Variants in ZNF385B observed in about 807,000 individuals in gnomAD.
ZNF385B encodes the protein zinc finger protein 533.
A neutral mutation model predicts 39.2 loss-of-function variants in ZNF385B; 23 were observed. The observed-to-expected ratio is 0.59, with a 90% CI of 0.42 to 0.83. The LOEUF (loss-of-function observed/expected upper bound fraction) is 0.83, where lower values mean the gene tolerates loss of function less well. Among genes scored for constraint, ZNF385B ranks in the 40% least tolerant of loss-of-function variants. The probability of loss-of-function intolerance (pLI) is 0.00; values close to 1 mark genes in which losing one functional copy is unlikely to be tolerated. For synonymous variants in ZNF385B, 205 were observed against 222.6 expected, an observed-to-expected ratio of 0.92 and a Z score of 0.70; for missense variants, 552 against 598.9, an observed-to-expected ratio of 0.92 and a Z score of 0.82.
chr2:179,670,288 T>C (rs1695775847), intron 3 of ZNF385B, among the ~76,000 whole-genome samples: 1 of 88,642 alleles, frequency 1.1e-5, no homozygotes, highest in Non-Finnish European at 2.1e-5. Context: ...CGAGACTCCG[T>C]CTCAAAAAAA....
intron 3 of ZNF385B, among the ~76,000 whole-genome samples, chr2:179,552,365 T>C (rs1239858998): frequency 6.7e-6 from 1 of 149,314 alleles, no homozygotes; most frequent in Non-Finnish European, 1.5e-5. Context: ...ATCAAATCTG[T>C]ATATATTCTA....
chr2:179,671,482 A>G (rs1300636013), intron 3 of ZNF385B, among the ~76,000 whole-genome samples: 1 of 152,228 alleles, frequency 6.6e-6, no homozygotes, highest in Non-Finnish European at 1.5e-5. Flanking sequence ...GGTGTGGCCA[A>G]ATGATGATGA....
At position 179,526,255 on chromosome 2, in the gene ZNF385B, C is replaced by T. The variant is rs184906048; in HGVS notation, c.442-7617G>A. On this transcript the variant is annotated intron_variant, in intron 4 of 9. Coordinates refer to ENST00000410066, the MANE Select transcript of ZNF385B (RefSeq NM_152520.6). Reference sequence around the variant, plus strand: ...TGTTGCCCAGGCTGGAACTATAGAACTTTGTACTATTTTGGATTTCAATTC... The same window carrying T: ...TGTTGCCCAGGCTGGAACTATAGAATTTTGTACTATTTTGGATTTCAATTC... 5.1e-3 allele frequency among the ~76,000 whole-genome samples: 768 copies of T among 151,330 alleles called. 3 individuals carry two copies. The highest frequency in any genetic ancestry group is 0.024 in the Middle Eastern group (7 of 290).
At chr2:179,644,297 C>A (rs1692521819) in intron 3 of ZNF385B, among the ~76,000 whole-genome samples, 1 of 152,014 alleles carries the variant, frequency 6.6e-6, no homozygotes, top group African/African-American at 2.4e-5. Context: ...CTATCTTCAG[C>A]CCCTTGCCAA....
intron 6 of ZNF385B, among the ~76,000 whole-genome samples, chr2:179,447,256 G>T (rs2049591583): frequency 6.6e-6 from 1 of 152,162 alleles, no homozygotes; most frequent in Admixed American, 6.5e-5. Flanking sequence ...TGGGATAGAA[G>T]AAACATGGTT....
intron 6 of ZNF385B, among the ~76,000 whole-genome samples, chr2:179,466,906 C>A (rs867011984): frequency 7.9e-4 from 45 of 57,150 alleles, no homozygotes; most frequent in African/African-American, 3.0e-3. Flanking sequence ...GGCAACAGAG[C>A]AAGACTGTCA....
intron 3 of ZNF385B, among the ~76,000 whole-genome samples, chr2:179,668,355 T>C (rs145767497): frequency 6.6e-6 from 1 of 152,350 alleles, no homozygotes; most frequent in East Asian, 1.9e-4. Flanking sequence ...CAATATACAG[T>C]AGTCTGTCCT....
chr2:179,631,014 G>T (rs1313455900), intron 3 of ZNF385B, among the ~76,000 whole-genome samples: 3 of 152,146 alleles, frequency 2.0e-5, no homozygotes, highest in African/African-American at 7.2e-5. Context: ...GAAACAGGGG[G>T]CTATGTGAAA....
chr2:179,635,026 C>T (rs1233074705), intron 3 of ZNF385B, among the ~76,000 whole-genome samples: 1 of 150,226 alleles, frequency 6.7e-6, no homozygotes, highest in African/African-American at 2.5e-5. Flanking sequence ...CCTGTATTCC[C>T]AGCTACTTGG....
chr2:179,761,584 A>AT (rs375660435), intron 3 of ZNF385B, among the ~76,000 whole-genome samples: 7,987 of 145,746 alleles, frequency 0.055, 282 homozygotes, highest in Middle Eastern at 0.099. Context: ...TATGCAATTG[A>AT]TTTTTTTTTT....
At chr2:179,619,212 T>C (rs1382133367) in intron 3 of ZNF385B, among the ~76,000 whole-genome samples, 3 of 152,142 alleles carry the variant, frequency 2.0e-5, no homozygotes, top group Non-Finnish European at 4.4e-5. Flanking sequence ...CATGAAAACA[T>C]TGCATTGCTG....
intron 3 of ZNF385B, among the ~76,000 whole-genome samples, chr2:179,591,916 C>A (rs968468506): frequency 2.0e-5 from 3 of 152,112 alleles, no homozygotes; most frequent in Admixed American, 2.0e-4. Flanking sequence ...CAGGTAGCAG[C>A]TCATTTTCTT....
intron 6 of ZNF385B, among the ~76,000 whole-genome samples, chr2:179,448,702 C>T (rs1016581769): frequency 6.6e-6 from 1 of 152,050 alleles, no homozygotes; most frequent in African/African-American, 2.4e-5. Flanking sequence ...TAAATAATGT[C>T]CCACAGATTA....
At chr2:179,580,108 T>C (rs1285522279) in intron 3 of ZNF385B, among the ~76,000 whole-genome samples, 1 of 152,200 alleles carries the variant, frequency 6.6e-6, no homozygotes, top group Non-Finnish European at 1.5e-5. Context: ...TTTTCTAATA[T>C]ATAAAATAGA....
chr2:179,524,551 C>CAAAAAAAAAAAAAAAAAAAAAA (rs770219234), intron 4 of ZNF385B, among the ~76,000 whole-genome samples: 4 of 60,990 alleles, frequency 6.6e-5, no homozygotes, highest in African/African-American at 3.1e-4. Flanking sequence ...GACTCCGTCT[C>CAAAAAAAAAAAAAAAAAAAAAA]AAAAAAAAAA....
chr2:179,677,250 T>C (rs1415967894), intron 3 of ZNF385B, among the ~76,000 whole-genome samples: 1 of 152,176 alleles, frequency 6.6e-6, no homozygotes, highest in Non-Finnish European at 1.5e-5. Context: ...TAAAATAGCA[T>C]CATGAAGCAC....
chr2:179,753,376 C>A (rs1241071326), intron 3 of ZNF385B, among the ~76,000 whole-genome samples: 1 of 152,148 alleles, frequency 6.6e-6, no homozygotes, highest in African/African-American at 2.4e-5. Context: ...TAGCGTGATG[C>A]CTCCAGCTTT....
chr2:179,604,743 C>T (rs2106113119), intron 3 of ZNF385B, among the ~76,000 whole-genome samples: 2 of 152,156 alleles, frequency 1.3e-5, no homozygotes, highest in South Asian at 4.1e-4. Context: ...ACTTTCTTGT[C>T]TACTTATAAA....
intron 3 of ZNF385B, among the ~76,000 whole-genome samples, chr2:179,677,016 G>C (rs16866917): frequency 6.6e-6 from 1 of 152,080 alleles, no homozygotes; most frequent in Non-Finnish European, 1.5e-5. Context: ...GTCAGTAACC[G>C]CTTTAAGAAC....
Sources: gnomAD v4.1 joint callset for allele counts (sites outside exome capture counted in the v4.1 genomes callset) on GRCh38, gnomAD v4.1.1 for gene constraint, MANE v1.5 for transcripts, NCBI Gene and HGNC (gene_info 2026-07-23, HGNC 2026-07-21) for gene names.